Variants in VPS13A observed in about 807,000 individuals in gnomAD.
VPS13A encodes the protein intermembrane lipid transfer protein VPS13A.
VPS13A carries 264 observed loss-of-function variants against 390.9 expected under a neutral mutation model. The observed-to-expected ratio is 0.68, with a 90% CI of 0.61 to 0.75. The LOEUF is 0.75. Among genes scored for constraint, VPS13A ranks in the 30% least tolerant of loss-of-function variants. VPS13A has a pLI of 0.00. For synonymous variants in VPS13A, 1,231 were observed against 1,227.1 expected (o/e 1.00, Z -0.07); for missense variants, 3,409 against 3,733.9 (o/e 0.91, Z 2.27).
chr9:77,399,131 A>G (rs1834243112), intron 68 of VPS13A, among the ~76,000 whole-genome samples: 1 of 140,294 alleles, frequency 7.1e-6, no homozygotes, highest in African/African-American at 2.6e-5. Context: ...ACTAACCTGC[A>G]CAATGTGCAC....
intron 22 of VPS13A, among the ~76,000 whole-genome samples, chr9:77,253,867 TTATTTAGATCTTTG>T (rs1338979398): frequency 6.6e-6 from 1 of 151,940 alleles, no homozygotes; most frequent in African/African-American, 2.4e-5. Context: ...TTAGCTTCTT[TTATTTAGATCTTTG>T]ATCCATTGAG....
At chr9:77,275,732 TAAG>T in intron 25 of VPS13A, 80 bp downstream of exon 25, 1 of 1,454,868 alleles carries the variant, frequency 6.9e-7, no homozygotes, top group Non-Finnish European at 9.6e-7. Context: ...GTCTCATTGT[TAAG>T]AAGCACTATC....
intron 13 of VPS13A, 35 bp downstream of exon 13, chr9:77,221,391 T>C: frequency 6.2e-7 from 1 of 1,608,006 alleles, no homozygotes; most frequent in East Asian, 2.2e-5. Flanking sequence ...GAGTGTTTTA[T>C]ACTACATAGC....
Position 77,226,569 on chromosome 9 carries a change from A to C in VPS13A, c.1328A>C (p.Asn443Thr). The C allele has an allele frequency of 6.2e-7, 1 of 1,612,930 alleles. No individual in the cohort carries two copies. Among genetic ancestry groups the C allele is most frequent in the Non-Finnish European group, 8.5e-7 (1 of 1,179,274 alleles). Reference protein sequence around the residue: ...WLWSWSEQNTNEQQPDVQPET... With the variant: ...WLWSWSEQNTTEQQPDVQPET... ...TGGTCTTGGTCAGAACAAAATACTA[A>C]TGAACAGCAACCAGATGTTCAACCT... Residue 443 changes from asparagine (N) to threonine (T), a missense_variant, in exon 15 of 72, where the codon AAT (asparagine) becomes ACT (threonine). Physicochemically the swap from Asn to Thr is moderately conservative, Grantham distance 65. Transcript: ENST00000360280.
At chr9:77,241,220 T>A (rs1173560389) in intron 19 of VPS13A, among the ~76,000 whole-genome samples, 1 of 152,190 alleles carries the variant, frequency 6.6e-6, no homozygotes, top group Non-Finnish European at 1.5e-5. Flanking sequence ...TCCATCTGTT[T>A]CTTCTCTGTG....
At chr9:77,360,714 T>C (rs1249445238) in intron 59 of VPS13A, 73 bp downstream of exon 59, 8 of 1,158,322 alleles carry the variant, frequency 6.9e-6, no homozygotes, top group Non-Finnish European at 1.0e-5. Flanking sequence ...TTAAAGGTAT[T>C]AAAATGACTT....
At chr9:77,394,003 G>A (rs1360237370) in intron 68 of VPS13A, among the ~76,000 whole-genome samples, 1 of 151,668 alleles carries the variant, frequency 6.6e-6, no homozygotes, top group Admixed American at 6.6e-5. Flanking sequence ...CCTGACCTCA[G>A]GTGATCCACC....
At chr9:77,233,844 GAGA>G (rs1823981576) in intron 17 of VPS13A, among the ~76,000 whole-genome samples, 2 of 152,188 alleles carry the variant, frequency 1.3e-5, no homozygotes, top group Admixed American at 6.6e-5. Context: ...GCTTGCACTT[GAGA>G]AGAATGTATT....
intron 37 of VPS13A, 144 bp downstream of exon 37, chr9:77,314,808 G>A: frequency 1.3e-6 from 1 of 746,928 alleles, no homozygotes; most frequent in East Asian, 2.7e-5. Context: ...GTAGTACTCG[G>A]TTAACATTTA....
rs191925614 is a variant in VPS13A at position 77,323,206 on chromosome 9, C to G, written c.5970C>G (p.Val1990=). ...ATACAGTAGAAGGAAGTAAGAAGGT[C>G]ACAATTCGCTCCCCAGTGCAGGTAT... ...QIDTVEGSKK[V]TIRSPVQIRN... Residue 1990 remains valine (V), a synonymous_variant, in exon 45 of 72, where the codon GTC becomes GTG. Transcript: ENST00000360280. The G allele has an allele frequency of 5.3e-5, 85 of 1,613,258 alleles. 2 individuals carry two copies. The Middle Eastern group carries it at 2.5e-3, about 47-fold the overall frequency.
intron 1 of VPS13A, among the ~76,000 whole-genome samples, chr9:77,182,273 T>C (rs1824068955): frequency 6.6e-6 from 1 of 152,102 alleles, no homozygotes; most frequent in African/African-American, 2.4e-5. Context: ...TTTGTATTTT[T>C]AGTAGGGACG....
At chr9:77,260,602 G>A (rs776738654) in intron 23 of VPS13A, among the ~76,000 whole-genome samples, 21 of 151,998 alleles carry the variant, frequency 1.4e-4, no homozygotes, top group Admixed American at 1.1e-3. Context: ...TGATCTGCCC[G>A]CCTCGGCCTC....
chr9:77,333,474 C>G (rs1830385556), intron 46 of VPS13A, among the ~76,000 whole-genome samples: 1 of 142,232 alleles, frequency 7.0e-6, no homozygotes, highest in Admixed American at 7.3e-5. Flanking sequence ...TCTTGTTGCC[C>G]AGGCTGGAGT....
intron 61 of VPS13A, among the ~76,000 whole-genome samples, chr9:77,367,824 G>C (rs535510162): frequency 6.6e-6 from 1 of 152,244 alleles, no homozygotes; most frequent in South Asian, 2.1e-4. Flanking sequence ...TATGTGTACT[G>C]GTGACTTGTC....
Position 77,204,948 on chromosome 9 carries a change from A to G in VPS13A, c.188-365A>G, listed in dbSNP as rs142078360. Among the ~76,000 whole-genome samples the G allele has an allele frequency of 1.9e-3, 283 of 152,324 alleles. 1 individual carries two copies. Among genetic ancestry groups the G allele is most frequent in the Admixed American group, 4.7e-3 (72 of 15,302 alleles). ...CTGGCCTAATCTACCATCTTAAAGC[A>G]TTAAAAAATATAGGTTTAGAGTAAG... On this transcript the variant is annotated intron_variant, in intron 3 of 71. Coordinates refer to ENST00000360280, the MANE Select transcript of VPS13A (RefSeq NM_033305.3).
chr9:77,369,700 G>A (rs182325386), intron 63 of VPS13A, among the ~76,000 whole-genome samples: 37 of 152,318 alleles, frequency 2.4e-4, no homozygotes, highest in Non-Finnish European at 4.1e-4. Context: ...GCTTTGCACA[G>A]TAGTGTGGAA....
At chr9:77,275,435 A>T (rs145437243) in intron 24 of VPS13A, 63 bp from the exon 25 acceptor site, 3 of 1,493,788 alleles carry the variant, frequency 2.0e-6, no homozygotes, top group Non-Finnish European at 1.9e-6. Flanking sequence ...ATTTATTTCT[A>T]TTGAAATACT....
Position 77,319,636 on chromosome 9 carries a change from A to G in VPS13A, c.5378A>G (p.Gln1793Arg), listed in dbSNP as rs1178190146. The G allele has an allele frequency of 6.2e-7, 1 of 1,611,544 alleles. No individual in the cohort carries two copies. Among genetic ancestry groups the G allele is most frequent in the Admixed American group, 1.7e-5 (1 of 59,898 alleles). The change falls in exon 42 of 72, where the codon CAG (glutamine) becomes CGG (arginine). Residue 1793 changes from glutamine to arginine, a missense_variant. Physicochemically the swap from Gln to Arg is conservative, Grantham distance 43 (BLOSUM62 1). Coordinates refer to ENST00000360280, the MANE Select transcript of VPS13A (RefSeq NM_033305.3). ...TTGCTTGAACCCTTAGAAATTGATC[A>G]GACTGAGGATTTTAGACCATGGAAT... Reference protein sequence around the residue: ...EPLLEPLEIDQTEDFRPWNLG... With the variant: ...EPLLEPLEIDRTEDFRPWNLG...
At chr9:77,240,230 C>G (rs969156775) in intron 19 of VPS13A, among the ~76,000 whole-genome samples, 3 of 150,804 alleles carry the variant, frequency 2.0e-5, no homozygotes, top group African/African-American at 7.3e-5. Flanking sequence ...TTACAGGCAC[C>G]CACCACAACG....
Sources: allele counts gnomAD v4.1 joint callset (sites outside exome capture counted in the v4.1 genomes callset), GRCh38; gene constraint gnomAD v4.1.1; transcripts MANE v1.5; gene names NCBI Gene and HGNC (gene_info 2026-07-23, HGNC 2026-07-21).